The following EPHB1 variants were observed in gnomAD, a reference collection of about 807,000 sequenced individuals.
EPHB1 encodes EPH receptor B1.
EPHB1 carries 30 observed loss-of-function variants against 94.4 expected under a neutral mutation model. That is an observed-to-expected ratio of 0.32 (90% CI 0.24 to 0.43). The LOEUF (loss-of-function observed/expected upper bound fraction) is 0.43. EPHB1 is among the 20% of genes least tolerant of loss of function. The pLI, the probability that EPHB1 is intolerant of heterozygous loss-of-function variation, is 1.00. For missense variants in EPHB1, 1,055 were observed against 1,308.3 expected (o/e 0.81, Z 2.99); for synonymous variants, 522 against 489.1 (o/e 1.07, Z -0.89).
chr3:135,030,206 A>G (rs1936382187), intron 3 of EPHB1, among the ~76,000 whole-genome samples: 1 of 152,130 alleles, frequency 6.6e-6, no homozygotes, highest in African/African-American at 2.4e-5. Context: ...GATCGTCTGA[A>G]GCCTTCTTCT....
chr3:135,157,884 A>G (rs576483468), intron 6 of EPHB1, among the ~76,000 whole-genome samples: 1 of 152,242 alleles, frequency 6.6e-6, no homozygotes, highest in African/African-American at 2.4e-5. Flanking sequence ...GAAAATATAT[A>G]TAACCAACTT....
At chr3:135,076,565 A>T (rs1282087913) in intron 3 of EPHB1, among the ~76,000 whole-genome samples, 1 of 152,218 alleles carries the variant, frequency 6.6e-6, no homozygotes, top group Non-Finnish European at 1.5e-5. Flanking sequence ...TAAGTTTACC[A>T]TATGACCCAG....
intron 3 of EPHB1, among the ~76,000 whole-genome samples, chr3:135,030,673 TTTTG>T (rs1289129773): frequency 1.3e-5 from 2 of 152,150 alleles, no homozygotes; most frequent in Non-Finnish European, 2.9e-5. Context: ...ACTGCTGTCT[TTTTG>T]TTTGTCTGTG....
In EPHB1 at chr3:134,955,071, CTTTTTTTTT is replaced by C. The variant is rs1197013147; in HGVS notation, c.805+3043_805+3051del. ...CTAAGGCCTGTTCCTGACATCCTTTCTTTTTTTTTTTTTTTTTTTTTTTTTTTTTTTTAA... is the reference window on the plus strand; with the variant it reads ...CTAAGGCCTGTTCCTGACATCCTTTCTTTTTTTTTTTTTTTTTTTTTTTAA... On this transcript the variant is annotated intron_variant, in intron 3 of 15. Transcript: ENST00000398015. 1.7e-3 allele frequency among the ~76,000 whole-genome samples: 14 copies of C among 8,414 alleles called. 1 individual carries two copies. Among genetic ancestry groups the C allele is most frequent in the South Asian group, 0.019 (2 of 104 alleles). The allele number at this position is 8,414 out of a possible 152,430, so 5.5% of individuals were successfully genotyped here.
At chr3:134,888,762 C>T (rs2037908501) in intron 1 of EPHB1, among the ~76,000 whole-genome samples, 1 of 151,250 alleles carries the variant, frequency 6.6e-6, no homozygotes, top group South Asian at 2.1e-4. Flanking sequence ...TAAGGCATAT[C>T]TTCCCAGAGG....
chr3:135,027,967 C>G (rs367963990), intron 3 of EPHB1, among the ~76,000 whole-genome samples: 32,338 of 139,642 alleles, frequency 0.23, 3,747 homozygotes, highest in Middle Eastern at 0.28. Flanking sequence ...GTGTATGTGT[C>G]AAGGAATTTA....
intron 1 of EPHB1, among the ~76,000 whole-genome samples, chr3:134,908,959 AGTT>A (rs34893965): frequency 0.13 from 19,004 of 151,900 alleles, 1,936 homozygotes; most frequent in African/African-American, 0.27. Flanking sequence ...CTCCTCAGAC[AGTT>A]GTTGTGGTCC....
rs368353078 is a variant in EPHB1, at chr3:134,913,395, GA to G, written c.59-12417del. On this transcript the variant is annotated intron_variant, in intron 1 of 15. Coordinates refer to ENST00000398015, the MANE Select transcript of EPHB1 (RefSeq NM_004441.5). ...CATCAAAATCATTTTACTGTAAAGA[GA>G]AAACCTGCCAGGTCCGACACATCAG... is the stretch of plus-strand genomic sequence containing the variant. 2.3e-3 allele frequency among the ~76,000 whole-genome samples: 345 copies of G among 152,278 alleles called. 1 individual carries two copies. Among genetic ancestry groups the G allele is most frequent in the African/African-American group, 8.0e-3 (334 of 41,550 alleles).
chr3:135,019,828 T>C (rs748346214), intron 3 of EPHB1, among the ~76,000 whole-genome samples: 27 of 152,240 alleles, frequency 1.8e-4, no homozygotes, highest in Non-Finnish European at 3.4e-4. Flanking sequence ...ATTAAAAATA[T>C]CCACAAATAA....
intron 1 of EPHB1, among the ~76,000 whole-genome samples, chr3:134,851,791 C>G (rs1049229232): frequency 2.0e-5 from 3 of 152,176 alleles, no homozygotes; most frequent in Non-Finnish European, 4.4e-5. Flanking sequence ...GTTATGTTGG[C>G]TGAAAACCAT....
intron 3 of EPHB1, among the ~76,000 whole-genome samples, chr3:135,070,697 A>G (rs954493847): frequency 1.3e-5 from 2 of 152,218 alleles, no homozygotes; most frequent in Middle Eastern, 3.2e-3. Flanking sequence ...TAATTAATTT[A>G]TACTTCATTA....
At chr3:134,995,637 A>T (rs971294843) in intron 3 of EPHB1, among the ~76,000 whole-genome samples, 1 of 152,220 alleles carries the variant, frequency 6.6e-6, no homozygotes, top group Non-Finnish European at 1.5e-5. Context: ...AAATAAAAAA[A>T]ATGATTACAA....
chr3:134,806,166 C>T (rs908561467), intron 1 of EPHB1, among the ~76,000 whole-genome samples: 2 of 152,166 alleles, frequency 1.3e-5, no homozygotes, highest in African/African-American at 4.8e-5. Context: ...AATGTGGAGG[C>T]TCATTCCTCT....
intron 5 of EPHB1, among the ~76,000 whole-genome samples, chr3:135,138,216 ATT>A (rs199684774): frequency 0.013 from 2,036 of 152,284 alleles, 47 homozygotes; most frequent in African/African-American, 0.046. Flanking sequence ...ACAACCCATT[ATT>A]TACTTTTCTT....
At chr3:134,967,085 AG>A (rs1261511567) in intron 3 of EPHB1, among the ~76,000 whole-genome samples, 2 of 152,230 alleles carry the variant, frequency 1.3e-5, no homozygotes, top group African/African-American at 4.8e-5. Context: ...AGGCAGAGGG[AG>A]GGACACATGG....
chr3:134,802,608 T>A (rs2035956769), intron 1 of EPHB1, among the ~76,000 whole-genome samples: 2 of 152,186 alleles, frequency 1.3e-5, no homozygotes, highest in Non-Finnish European at 2.9e-5. Context: ...GACCTCCCAC[T>A]GGCCAGCAGC....
rs147589937 is a variant in EPHB1, at chr3:135,216,859, C to T, written c.2346+15170C>T. 8.0e-3 allele frequency among the ~76,000 whole-genome samples: 1,209 copies of T among 152,044 alleles called. 3 individuals are homozygous for T. The highest frequency in any genetic ancestry group is 0.012 in the Non-Finnish European group (835 of 68,002). On this transcript the variant is annotated intron_variant, in intron 12 of 15. Transcript: ENST00000398015. ...ATCAGTGAACCAGATGCCCTGTTAA[C>T]TGGGGTGAATCTCAACAAAGAGGAC...
At chr3:135,059,107 T>A (rs777655575) in intron 3 of EPHB1, among the ~76,000 whole-genome samples, 3 of 152,254 alleles carry the variant, frequency 2.0e-5, no homozygotes, top group Non-Finnish European at 1.5e-5. Context: ...ATGTACAGCA[T>A]ATCAAGTTGA....
At chr3:135,175,495 C>T (rs1941953484) in intron 9 of EPHB1, among the ~76,000 whole-genome samples, 1 of 152,150 alleles carries the variant, frequency 6.6e-6, no homozygotes, top group African/African-American at 2.4e-5. Context: ...TCAAAGAACA[C>T]ACATGACTGC....
Sources: gnomAD v4.1 joint callset for allele counts (sites outside exome capture counted in the v4.1 genomes callset) on GRCh38, gnomAD v4.1.1 for gene constraint, MANE v1.5 for transcripts, NCBI Gene and HGNC (gene_info 2026-07-23, HGNC 2026-07-21) for gene names.